The following PTGIS variants were observed in gnomAD, a reference collection of about 807,000 sequenced individuals.
PTGIS encodes the protein prostaglandin I2 synthase.
PTGIS carries 45 observed loss-of-function variants against 50.3 expected under a neutral mutation model. That is an observed-to-expected ratio of 0.90 (90% CI 0.70 to 1.15). PTGIS has a LOEUF of 1.15. Ranked by LOEUF, PTGIS falls within the 50% of genes most tolerant of loss-of-function variation. The pLI is 0.00. For missense variants in PTGIS, 668 were observed against 661.3 expected, an observed-to-expected ratio of 1.01 and a Z score of -0.11; for synonymous variants, 260 against 267.7, an observed-to-expected ratio of 0.97 and a Z score of 0.28.
intron 5 of PTGIS, among the ~76,000 whole-genome samples, chr20:49,536,302 CA>C (rs1982066088): frequency 1.3e-5 from 2 of 151,994 alleles, no homozygotes; most frequent in African/African-American, 4.8e-5. Context: ...ATAATGTAAA[CA>C]AAATCAATAA....
At chr20:49,564,303 G>C (rs1423709896) in intron 1 of PTGIS, among the ~76,000 whole-genome samples, 1 of 152,090 alleles carries the variant, frequency 6.6e-6, no homozygotes, top group Middle Eastern at 3.4e-3. Context: ...CCAGGCTGGA[G>C]TGCAATGGCG....
At chr20:49,558,708 A>G (rs1023423517) in intron 1 of PTGIS, among the ~76,000 whole-genome samples, 4 of 101,746 alleles carry the variant, frequency 3.9e-5, no homozygotes, top group Non-Finnish European at 5.7e-5. Flanking sequence ...AGAAGAAGTT[A>G]GACAATTTTT....
Position 49,514,245 on chromosome 20 carries a change from C to T in PTGIS, c.1006G>A (p.Asp336Asn). The T allele has an allele frequency of 6.2e-7, 1 of 1,613,936 alleles. No individual in the cohort carries two copies. The highest frequency in any genetic ancestry group is 8.5e-7 in the Non-Finnish European group (1 of 1,180,026). The change falls in exon 7 of 10, where the codon GAC becomes AAC. Residue 336 changes from aspartate (D) to asparagine (N), a missense_variant. By Grantham distance (23) the Asp-to-Asn change is conservative (BLOSUM62 1). Coordinates refer to ENST00000244043, the MANE Select transcript of PTGIS (RefSeq NM_000961.4). ...QTTTLPQKVLDSTPVLDSVLS... is the reference protein window; with the variant it reads ...QTTTLPQKVLNSTPVLDSVLS... Reference sequence around the variant, plus strand: ...ATCTCACCAAGCACAGGTGTGCTGTCTAGAACCTTCTGTGGGAGAGTGGTC... The same window carrying T: ...ATCTCACCAAGCACAGGTGTGCTGTTTAGAACCTTCTGTGGGAGAGTGGTC...
At chr20:49,550,287 G>C in intron 1 of PTGIS, 98 bp from the exon 2 acceptor site, 1 of 1,513,506 alleles carries the variant, frequency 6.6e-7, no homozygotes, top group Non-Finnish European at 9.1e-7. Context: ...CAGTCGGGGA[G>C]GTAATCTGAA....
At chr20:49,543,201 C>T (rs949209949) in intron 4 of PTGIS, among the ~76,000 whole-genome samples, 2 of 152,104 alleles carry the variant, frequency 1.3e-5, no homozygotes, top group Non-Finnish European at 2.9e-5. Flanking sequence ...CCACCGCTGC[C>T]CCAGTCAAAT....
intron 6 of PTGIS, among the ~76,000 whole-genome samples, chr20:49,519,718 T>C (rs1304853934): frequency 1.3e-5 from 2 of 151,600 alleles, no homozygotes; most frequent in East Asian, 1.9e-4. Context: ...CCCCCGATCT[T>C]CTCCCTGAAA....
At chr20:49,537,581 A>T (rs1479081775) in intron 5 of PTGIS, among the ~76,000 whole-genome samples, 2 of 151,908 alleles carry the variant, frequency 1.3e-5, no homozygotes, top group African/African-American at 4.8e-5. Flanking sequence ...ATGGCGAAAC[A>T]CTGTCTCTAC....
At chr20:49,518,191 A>C (rs1220161822) in intron 6 of PTGIS, among the ~76,000 whole-genome samples, 1 of 152,204 alleles carries the variant, frequency 6.6e-6, no homozygotes, top group African/African-American at 2.4e-5. Context: ...GAAGATTCCA[A>C]CGGAATAAAA....
chr20:49,547,605 CCAAACAAACAAA>C lies in PTGIS; in HGVS notation c.377+224_377+235del, dbSNP rs113839455. Among the ~76,000 whole-genome samples the C allele has an allele frequency of 9.7e-5, 14 of 144,608 alleles. No homozygotes were observed. The East Asian group carries it at 9.7e-4, about 10-fold the overall frequency. 94.9% of individuals were successfully genotyped at this position (144,608 alleles called of 152,430 possible). On this transcript the variant is annotated intron_variant, in intron 3 of 9. Transcript: ENST00000244043. ...CCTCCTACTAAAATCAGGGCTGCCT[CCAAACAAACAAA>C]CAAACAAACAAACAAACAAAAAAAC...
At chr20:49,561,451 CT>C (rs1196379808) in intron 1 of PTGIS, among the ~76,000 whole-genome samples, 1 of 152,188 alleles carries the variant, frequency 6.6e-6, no homozygotes, top group Admixed American at 6.5e-5. Context: ...TGTGCCTCAT[CT>C]TTTTGTGAGC....
intron 5 of PTGIS, among the ~76,000 whole-genome samples, chr20:49,538,565 A>AC (rs1456990781): frequency 6.6e-6 from 1 of 152,174 alleles, no homozygotes; most frequent in Non-Finnish European, 1.5e-5. Flanking sequence ...AATAGGCAAA[A>AC]CTAATTGGAG....
chr20:49,518,675 A>G (rs983968004), intron 6 of PTGIS, among the ~76,000 whole-genome samples: 3 of 152,102 alleles, frequency 2.0e-5, no homozygotes, highest in Admixed American at 2.0e-4. Context: ...AAACAAACAA[A>G]AAAACCAACC....
At position 49,539,632 on chromosome 20, in the gene PTGIS, A is replaced by C. The variant is rs1982172547; in HGVS notation, c.611T>G (p.Phe204Cys). The change falls in exon 5 of 10, where the codon TTC becomes TGC. Residue 204 changes from phenylalanine to cysteine, a missense_variant. Coordinates refer to ENST00000244043, the MANE Select transcript of PTGIS (RefSeq NM_000961.4). ...AQDRVHSADV[F>C]HTFRQLDRLL... Reference sequence around the variant, plus strand: ...CCGGTCGAGCTGGCGAAAGGTGTGGAAGACATCAGCTGAGTGGACGCGGTC... The same window carrying C: ...CCGGTCGAGCTGGCGAAAGGTGTGGCAGACATCAGCTGAGTGGACGCGGTC... 3 of 1,613,936 alleles carry C rather than the reference A, an allele frequency of 1.9e-6. No individual in the cohort carries two copies. The highest frequency in any genetic ancestry group is 2.5e-6 in the Non-Finnish European group (3 of 1,180,020).
At chr20:49,529,893 G>A (rs148639359) in intron 5 of PTGIS, among the ~76,000 whole-genome samples, 1,575 of 152,136 alleles carry the variant, frequency 0.01, 30 homozygotes, top group African/African-American at 0.036. Context: ...GGTGGCTCAC[G>A]CCTGTAATCC....
chr20:49,521,749 T>C (rs554420623), intron 6 of PTGIS, among the ~76,000 whole-genome samples: 1 of 152,252 alleles, frequency 6.6e-6, no homozygotes, highest in South Asian at 2.1e-4. Context: ...TGTCAGCTTG[T>C]GCAACTGTCA....
At chr20:49,564,338 G>A (rs1180609603) in intron 1 of PTGIS, among the ~76,000 whole-genome samples, 4 of 151,886 alleles carry the variant, frequency 2.6e-5, no homozygotes, top group African/African-American at 9.7e-5. Flanking sequence ...TGCAAGCTCC[G>A]CCTCCTGGGT....
intron 5 of PTGIS, among the ~76,000 whole-genome samples, chr20:49,537,599 A>G (rs544678705): frequency 2.0e-5 from 3 of 152,262 alleles, no homozygotes; most frequent in East Asian, 3.9e-4. Context: ...TACTAAAAAT[A>G]CAAAAAATAA....
chr20:49,531,632 G>GT (rs1189875398), intron 5 of PTGIS, among the ~76,000 whole-genome samples: 3 of 151,748 alleles, frequency 2.0e-5, no homozygotes, highest in African/African-American at 7.3e-5. Context: ...CTATTTTGTT[G>GT]TTTTTTTTCT....
chr20:49,515,154 T>C (rs1218099023), intron 6 of PTGIS, among the ~76,000 whole-genome samples: 1 of 152,364 alleles, frequency 6.6e-6, no homozygotes, highest in East Asian at 1.9e-4. Context: ...ATTCTTGATG[T>C]AGTTTGGGAA....
Sources: allele counts gnomAD v4.1 joint callset (sites outside exome capture counted in the v4.1 genomes callset), GRCh38; gene constraint gnomAD v4.1.1; transcripts MANE v1.5; gene names NCBI Gene and HGNC (gene_info 2026-07-23, HGNC 2026-07-21).